AGAP1: variants seen among roughly 807,000 people sequenced by gnomAD.
AGAP1 encodes ArfGAP with GTPase domain, ankyrin repeat and PH domain 1, also known as arf-GAP with GTPase, ANK repeat and PH domain-containing protein 1.
Under a neutral mutation model 105.3 loss-of-function variants are expected in AGAP1, and 29 were observed. The ratio of observed to expected loss-of-function variants is 0.28; its 90% CI spans 0.21 to 0.38. The LOEUF is 0.38. AGAP1 is among the 10% of genes least tolerant of loss of function. AGAP1 has a pLI of 1.00. For missense variants in AGAP1, 998 were observed against 1,165.1 expected (o/e 0.86, Z 2.09); for synonymous variants, 509 against 485.9 (o/e 1.05, Z -0.63).
At chr2:235,529,244 A>G (rs1409173195) in intron 1 of AGAP1, among the ~76,000 whole-genome samples, 1 of 152,238 alleles carries the variant, frequency 6.6e-6, no homozygotes, top group Non-Finnish European at 1.5e-5. Flanking sequence ...CTTCCAGGGA[A>G]CTAGTCTTAC....
At chr2:236,115,529 C>T (rs1553578492) in intron 16 of AGAP1, among the ~76,000 whole-genome samples, 1 of 152,208 alleles carries the variant, frequency 6.6e-6, no homozygotes, top group Non-Finnish European at 1.5e-5. Flanking sequence ...AGCTTTCCCC[C>T]TGGTATCTGG....
At chr2:235,838,907 G>A (rs1037375043) in intron 9 of AGAP1, among the ~76,000 whole-genome samples, 2 of 152,080 alleles carry the variant, frequency 1.3e-5, no homozygotes, top group African/African-American at 4.8e-5. Flanking sequence ...ACTTACAAGT[G>A]AAAAATCCAG....
chr2:236,118,243 G>A (rs1335593375), intron 16 of AGAP1, among the ~76,000 whole-genome samples: 40 of 152,126 alleles, frequency 2.6e-4, no homozygotes, highest in Admixed American at 2.6e-3. Context: ...ATTTCTCCGT[G>A]TCATTTGTAA....
chr2:236,091,766 T>C (rs181747880), intron 16 of AGAP1, among the ~76,000 whole-genome samples: 188 of 152,332 alleles, frequency 1.2e-3, no homozygotes, highest in African/African-American at 4.4e-3. Context: ...AGCAAGGCTC[T>C]GCATAAATAA....
Position 235,728,303 on chromosome 2 carries a change from G to C in AGAP1, c.310+10659G>C, listed in dbSNP as rs1180572125. Among the ~76,000 whole-genome samples the C allele has an allele frequency of 6.8e-6, 1 of 147,966 alleles. No homozygotes were observed. The highest frequency in any genetic ancestry group is 1.5e-5 in the Non-Finnish European group (1 of 66,568). Reference sequence around the variant, plus strand: ...CTGAAAAGGACTGGGCCCAGACTCTGTGTGTGTGTGTGTGTGTGTGTGTGC... The same window carrying C: ...CTGAAAAGGACTGGGCCCAGACTCTCTGTGTGTGTGTGTGTGTGTGTGTGC... On this transcript the variant is annotated intron_variant, in intron 3 of 17. Transcript: ENST00000304032. This position sits in a 1 kb window ranked among gnomAD's most constrained non-coding sequence, Gnocchi z 4.3.
intron 6 of AGAP1, among the ~76,000 whole-genome samples, chr2:235,762,486 G>T (rs868459831): frequency 6.6e-6 from 1 of 152,154 alleles, no homozygotes; most frequent in Non-Finnish European, 1.5e-5. Context: ...GCGTTGTGAC[G>T]AGGAGAGCGA....
At position 235,976,084 on chromosome 2, in the gene AGAP1, C is replaced by T. The variant is rs1008206427; in HGVS notation, c.1645+7461C>T. 1.2e-4 allele frequency among the ~76,000 whole-genome samples: 19 copies of T among 152,120 alleles called. No individual in the cohort carries two copies. Among genetic ancestry groups the T allele is most frequent in the Non-Finnish European group, 1.9e-4 (13 of 68,034 alleles). On this transcript the variant is annotated intron_variant, in intron 13 of 17. Coordinates refer to ENST00000304032, the MANE Select transcript of AGAP1 (RefSeq NM_001037131.3). This position sits in a 1 kb window ranked among gnomAD's most constrained non-coding sequence, Gnocchi z 4.5. ...AATCAGAACATCTTCCTGGGAGATACGCTGGAAATGCAGTCACTTCACTCT... is the reference window on the plus strand; with the variant it reads ...AATCAGAACATCTTCCTGGGAGATATGCTGGAAATGCAGTCACTTCACTCT...
intron 10 of AGAP1, among the ~76,000 whole-genome samples, chr2:235,902,341 A>C (rs962254805): frequency 6.6e-6 from 1 of 152,174 alleles, no homozygotes; most frequent in African/African-American, 2.4e-5. Context: ...ATGTGAAATC[A>C]CTATTTTTTT....
chr2:235,797,208 A>C (rs2150039638), intron 6 of AGAP1, among the ~76,000 whole-genome samples: 1 of 152,244 alleles, frequency 6.6e-6, no homozygotes, highest in African/African-American at 2.4e-5. Flanking sequence ...TTTTGTTCCA[A>C]GTAACTGGAA....
chr2:236,111,332 A>G (rs1280644730), intron 16 of AGAP1, among the ~76,000 whole-genome samples: 1 of 151,790 alleles, frequency 6.6e-6, no homozygotes, highest in African/African-American at 2.4e-5. Flanking sequence ...AACCTGGACA[A>G]TATGGCAAGA....
intron 1 of AGAP1, among the ~76,000 whole-genome samples, chr2:235,707,676 T>C (rs866537138): frequency 2.9e-3 from 179 of 61,254 alleles, no homozygotes; most frequent in African/African-American, 8.8e-3. Context: ...GGCGTGTGAC[T>C]TGGTGGGACG....
intron 16 of AGAP1, among the ~76,000 whole-genome samples, chr2:236,093,876 T>C (rs2059124948): frequency 6.6e-6 from 1 of 152,214 alleles, no homozygotes; most frequent in South Asian, 2.1e-4. Context: ...TAAAAGGTAT[T>C]TTTTGACATT....
intron 16 of AGAP1, among the ~76,000 whole-genome samples, chr2:236,052,566 A>G (rs1341339560): frequency 6.6e-6 from 1 of 152,192 alleles, no homozygotes; most frequent in Non-Finnish European, 1.5e-5. Flanking sequence ...GAGCAGCATC[A>G]TGATCAATGG....
chr2:235,584,586 G>A (rs1300850045), intron 1 of AGAP1, among the ~76,000 whole-genome samples: 10 of 151,742 alleles, frequency 6.6e-5, no homozygotes, highest in East Asian at 5.8e-4. Context: ...GGAGCAAGCT[G>A]TGCTAGGAAG....
intron 13 of AGAP1, among the ~76,000 whole-genome samples, chr2:236,018,062 A>C (rs2056765565): frequency 6.6e-6 from 1 of 152,250 alleles, no homozygotes. Flanking sequence ...TTGTCTGTCC[A>C]TTGTGGCTAA....
chr2:236,053,485 G>A lies in AGAP1; in HGVS notation c.2114+4204G>A, dbSNP rs549978090. Among the ~76,000 whole-genome samples, 19 of 152,362 alleles carry A rather than the reference G, an allele frequency of 1.2e-4. No individual in the cohort carries two copies. The highest frequency in any genetic ancestry group is 7.7e-4 in the East Asian group (4 of 5,184). ...GGGCTGCACGGCAGCGCCCTGGCCC[G>A]TTGTTCTTTATTGTTGTCCCCATTG... On this transcript the variant is annotated intron_variant, in intron 16 of 17. Coordinates refer to ENST00000304032, the MANE Select transcript of AGAP1 (RefSeq NM_001037131.3). The surrounding 1 kb of genome is among the most constrained non-coding windows in gnomAD (Gnocchi z 4.6).
At chr2:235,564,608 G>T (rs60378967) in intron 1 of AGAP1, among the ~76,000 whole-genome samples, 53 of 143,124 alleles carry the variant, frequency 3.7e-4, no homozygotes, top group South Asian at 1.8e-3. Flanking sequence ...CCACAGCCAG[G>T]TGTGAGCCTG....
chr2:235,885,203 A>G (rs1022956793), intron 10 of AGAP1, among the ~76,000 whole-genome samples: 1 of 152,196 alleles, frequency 6.6e-6, no homozygotes, highest in Non-Finnish European at 1.5e-5. Context: ...CCACAAGCAC[A>G]TGGTCACTGT....
chr2:235,699,335 A>G (rs1950148005), intron 1 of AGAP1, among the ~76,000 whole-genome samples: 1 of 152,154 alleles, frequency 6.6e-6, no homozygotes, highest in African/African-American at 2.4e-5. Flanking sequence ...TGTATTTGTA[A>G]GAAGACTAAG....
Sources: gnomAD v4.1 joint callset for allele counts (sites outside exome capture counted in the v4.1 genomes callset) on GRCh38, gnomAD v4.1.1 for gene constraint, Gnocchi (gnomAD v3.1) non-coding constraint, MANE v1.5 for transcripts, NCBI Gene and HGNC (gene_info 2026-07-23, HGNC 2026-07-21) for gene names.